The following ERO1B variants were observed in gnomAD, a reference collection of about 807,000 sequenced individuals.
The protein encoded by ERO1B is ERO1-like protein beta.
In ERO1B, 49 loss-of-function variants were observed where a neutral mutation model predicts 75.3. That is an observed-to-expected ratio of 0.65 (90% CI 0.52 to 0.83). The LOEUF is 0.83. ERO1B is among the 40% of genes least tolerant of loss of function. ERO1B has a pLI of 0.00. For synonymous variants in ERO1B, 191 were observed against 192.9 expected (o/e 0.99, Z 0.08); for missense variants, 512 against 560.1 (o/e 0.91, Z 0.87).
chr1:236,272,973 T>G (rs572327200), intron 1 of ERO1B, among the ~76,000 whole-genome samples: 1 of 152,340 alleles, frequency 6.6e-6, no homozygotes, highest in Non-Finnish European at 1.5e-5. Context: ...TTATCCATTC[T>G]ACTCTTGATG....
chr1:236,274,254 G>A (rs1665662797), intron 1 of ERO1B, among the ~76,000 whole-genome samples: 1 of 152,158 alleles, frequency 6.6e-6, no homozygotes, highest in Admixed American at 6.5e-5. Context: ...AAAGTGCTGG[G>A]ATTGCAGGTG....
chr1:236,266,497 A>G (rs1346676781), intron 2 of ERO1B, among the ~76,000 whole-genome samples: 1 of 152,008 alleles, frequency 6.6e-6, no homozygotes, highest in Non-Finnish European at 1.5e-5. Flanking sequence ...CCAGCTACTC[A>G]GGAGGCTGAG....
chr1:236,218,589 GA>G lies in ERO1B; in HGVS notation c.1344-14del. The G allele has an allele frequency of 1.5e-6, 2 of 1,350,388 alleles. No individual in the cohort carries two copies. Among genetic ancestry groups the G allele is most frequent in the South Asian group, 3.9e-5 (2 of 50,990 alleles). 83.7% of individuals were successfully genotyped at this position (1,350,388 alleles called of 1,614,324 possible). ...ACTTGTAGAAAGCCTATGGAAGAAA[GA>G]AAAAGCTTATTAGTAAGGCTAACAT... is the stretch of plus-strand genomic sequence containing the variant. On this transcript the variant is annotated splice_polypyrimidine_tract_variant and intron_variant, in intron 15 of 15. Coordinates refer to ENST00000354619, the MANE Select transcript of ERO1B (RefSeq NM_019891.4).
chr1:236,280,695 T>G (rs1665812046), intron 1 of ERO1B, among the ~76,000 whole-genome samples: 1 of 152,218 alleles, frequency 6.6e-6, no homozygotes, highest in Non-Finnish European at 1.5e-5. Context: ...AAAAACATGT[T>G]TTCACGGTTA....
intron 2 of ERO1B, among the ~76,000 whole-genome samples, chr1:236,259,872 G>C (rs1466445154): frequency 6.6e-6 from 1 of 151,576 alleles, no homozygotes; most frequent in Non-Finnish European, 1.5e-5. Flanking sequence ...CTACACTTTA[G>C]ACCAAATGGC....
intron 2 of ERO1B, among the ~76,000 whole-genome samples, chr1:236,254,815 G>T (rs1238202799): frequency 6.6e-6 from 1 of 151,960 alleles, no homozygotes; most frequent in East Asian, 1.9e-4. Flanking sequence ...GTTTCACCAT[G>T]TTGGCCAGGC....
chr1:236,260,465 GACCAGCCTGGACA>G (rs1292990748), intron 2 of ERO1B, among the ~76,000 whole-genome samples: 1 of 152,172 alleles, frequency 6.6e-6, no homozygotes, highest in Non-Finnish European at 1.5e-5. Context: ...AGGAGTTCAA[GACCAGCCTGGACA>G]ACATGGTGAA....
chr1:236,229,683 C>T (rs989180814), intron 10 of ERO1B, among the ~76,000 whole-genome samples: 2 of 152,132 alleles, frequency 1.3e-5, no homozygotes, highest in African/African-American at 4.8e-5. Context: ...TACAACATTT[C>T]ACCTTTCCAT....
In ERO1B at chr1:236,221,561, T is replaced by C. The variant is rs1664142520; in HGVS notation, c.1209+363A>G. On this transcript the variant is annotated intron_variant, in intron 14 of 15. Coordinates refer to ENST00000354619, the MANE Select transcript of ERO1B (RefSeq NM_019891.4). ...CTTTTGCTCATTTATACAAATTCAA[T>C]GACCAAGACTTCATATTTCAATCTT... is the stretch of plus-strand genomic sequence containing the variant. 1.3e-5 allele frequency among the ~76,000 whole-genome samples: 2 copies of C among 152,320 alleles called. 1 individual carries two copies. Among genetic ancestry groups the C allele is most frequent in the South Asian group, 4.1e-4 (2 of 4,830 alleles).
rs1218604039 is a variant in ERO1B, at chr1:236,236,319, T to C, written c.585A>G (p.Ala195=). The change falls in exon 7 of 16, where the codon GCA becomes GCG. Residue 195 remains alanine, a synonymous_variant. Transcript: ENST00000354619. ...CATAGATGCTGTTCCACACTCTCCA[T>C]GCAGAGGTCCCTTTATAGCCAGTGT... ...ERYTGYKGTS[A]WRVWNSIYEE... 3.7e-6 allele frequency: 6 copies of C among 1,606,336 alleles called. No individual in the cohort carries two copies. Among genetic ancestry groups the C allele is most frequent in the Admixed American group, 3.4e-5 (2 of 59,662 alleles).
At chr1:236,244,069 G>A (rs1477840859) in intron 5 of ERO1B, among the ~76,000 whole-genome samples, 1 of 152,078 alleles carries the variant, frequency 6.6e-6, no homozygotes, top group Non-Finnish European at 1.5e-5. Context: ...TTGAAGAACT[G>A]ATAAGTAACA....
At chr1:236,259,695 A>AAT (rs34362228) in intron 2 of ERO1B, among the ~76,000 whole-genome samples, 33 of 151,938 alleles carry the variant, frequency 2.2e-4, no homozygotes, top group Non-Finnish European at 3.7e-4. Context: ...ACAAAAACTA[A>AAT]ATATATATAT....
rs1665848048 is a variant in ERO1B at position 236,281,932 on chromosome 1, T to C, written c.-149A>G. On this transcript the variant is annotated 5_prime_UTR_variant, in exon 1 of 16. Coordinates refer to ENST00000354619, the MANE Select transcript of ERO1B (RefSeq NM_019891.4). Reference sequence around the variant, plus strand: ...ACTCCAGTCCGGAGGCAGGCGACTCTTTCCCCAACACCCGGCAGCTGCGAG... The same window carrying C: ...ACTCCAGTCCGGAGGCAGGCGACTCCTTCCCCAACACCCGGCAGCTGCGAG... 2.2e-6 allele frequency: 1 copy of C among 447,972 alleles called. No individual in the cohort carries two copies. The highest frequency in any genetic ancestry group is 3.7e-6 in the Non-Finnish European group (1 of 269,754). 27.7% of individuals were successfully genotyped at this position (447,972 alleles called of 1,614,324 possible).
At chr1:236,275,918 T>C (rs571215775) in intron 1 of ERO1B, among the ~76,000 whole-genome samples, 8 of 152,308 alleles carry the variant, frequency 5.3e-5, no homozygotes, top group South Asian at 4.1e-4. Context: ...TTGGTGAGGA[T>C]AGAATGTTTC....
At chr1:236,269,067 T>C (rs1411395859) in intron 2 of ERO1B, among the ~76,000 whole-genome samples, 1 of 152,014 alleles carries the variant, frequency 6.6e-6, no homozygotes, top group African/African-American at 2.4e-5. Flanking sequence ...AAACCCAGTC[T>C]GTACTAAAAA....
chr1:236,226,251 C>G lies in ERO1B; in HGVS notation c.1052+18G>C. On this transcript the variant is annotated intron_variant, in intron 12 of 15. Transcript: ENST00000354619. ...ATACAGAGAGGAGAATTTCAAATCA[C>G]GGATAGTCAATTCTTACTTTGTATC... The G allele has an allele frequency of 1.2e-6, 2 of 1,610,250 alleles. No individual in the cohort carries two copies. The highest frequency in any genetic ancestry group is 1.7e-4 in the Middle Eastern group (1 of 6,030).
rs1572045621 is a variant in ERO1B at position 236,243,294 on chromosome 1, G to A, written c.505+128C>T. 5.3e-6 allele frequency: 3 copies of A among 567,112 alleles called. No individual in the cohort carries two copies. In the East Asian group the frequency reaches 9.9e-5, roughly 19 times the overall value. The allele number at this position is 567,112 out of a possible 1,614,324, so 35.1% of individuals were successfully genotyped here. A position where few individuals can be genotyped will look rare whatever the true frequency, so the allele number is the denominator to read the frequency against. ...ACAGGCTCTCAATAAATGCCATTAT[G>A]AATAATAAGGTCTACATAGCAAAAT... On this transcript the variant is annotated intron_variant, in intron 6 of 15. Transcript: ENST00000354619.
At chr1:236,253,139 C>A (rs1665076533) in intron 3 of ERO1B, among the ~76,000 whole-genome samples, 2 of 151,952 alleles carry the variant, frequency 1.3e-5, no homozygotes, top group African/African-American at 4.8e-5. Context: ...AAGACAACTG[C>A]AGATCCAATC....
intron 2 of ERO1B, among the ~76,000 whole-genome samples, chr1:236,268,695 G>T (rs1265914574): frequency 6.6e-5 from 10 of 151,208 alleles, no homozygotes; most frequent in Non-Finnish European, 1.0e-4. Flanking sequence ...GACCATCCTG[G>T]CTAACATGGT....
Sources: gnomAD v4.1 joint callset for allele counts (sites outside exome capture counted in the v4.1 genomes callset) on GRCh38, gnomAD v4.1.1 for gene constraint, MANE v1.5 for transcripts, NCBI Gene and HGNC (gene_info 2026-07-23, HGNC 2026-07-21) for gene names.